MTMR2: variants seen among roughly 807,000 people sequenced by gnomAD.
MTMR2 encodes the protein myotubularin related protein 2.
Under a neutral mutation model 86.9 loss-of-function variants are expected in MTMR2, and 55 were observed. The ratio of observed to expected loss-of-function variants is 0.63; its 90% CI spans 0.51 to 0.79. The LOEUF is 0.79. MTMR2 is among the 30% of genes least tolerant of loss of function. The probability of loss-of-function intolerance (pLI) is 0.00; values close to 1 mark genes in which losing one functional copy is unlikely to be tolerated. For missense variants in MTMR2, 659 were observed against 772.3 expected, an observed-to-expected ratio of 0.85 and a Z score of 1.74; for synonymous variants, 241 against 266.8, an observed-to-expected ratio of 0.90 and a Z score of 0.94.
chr11:95,838,045 A>G, intron 13 of MTMR2, 49 bp downstream of exon 13: 3 of 1,153,192 alleles, frequency 2.6e-6, no homozygotes, highest in Non-Finnish European at 3.9e-6. Flanking sequence ...CTTTTAGGGA[A>G]AAGTATACAG....
At chr11:95,844,103 A>T (rs1027583812) in intron 11 of MTMR2, among the ~76,000 whole-genome samples, 3 of 152,200 alleles carry the variant, frequency 2.0e-5, no homozygotes, top group Non-Finnish European at 4.4e-5. Context: ...TTAGGAATCC[A>T]TAGCAACTTC....
At chr11:95,868,295 AAAAAAAG>A (rs1864700898) in intron 2 of MTMR2, among the ~76,000 whole-genome samples, 1 of 131,628 alleles carries the variant, frequency 7.6e-6, no homozygotes, top group African/African-American at 2.5e-5. Context: ...AAAAAAAAAA[AAAAAAAG>A]AAAGAAAAAG....
chr11:95,857,661 A>T, intron 6 of MTMR2, 26 bp from the exon 7 acceptor site: 1 of 1,428,658 alleles, frequency 7.0e-7, no homozygotes, highest in Non-Finnish European at 9.9e-7. Flanking sequence ...CAATGGTAAG[A>T]GCTAAAAAAG....
rs921374689 is a variant in MTMR2, at chr11:95,835,015, A to C, written c.*275T>G. ...GTAACAGCATTTGCCTTTTAATAGA[A>C]ACTTGTTCCCACTGTGAATCCAGGA... On this transcript the variant is annotated 3_prime_UTR_variant, in exon 15 of 15. Coordinates refer to ENST00000346299, the MANE Select transcript of MTMR2 (RefSeq NM_016156.6). 3 of 418,488 alleles carry C rather than the reference A, an allele frequency of 7.2e-6. No homozygotes were observed. The highest frequency in any genetic ancestry group is 6.0e-5 in the African/African-American group (3 of 49,852). 25.9% of individuals were successfully genotyped at this position (418,488 alleles called of 1,614,324 possible).
intron 9 of MTMR2, among the ~76,000 whole-genome samples, chr11:95,848,757 T>C (rs996251129): frequency 6.6e-5 from 10 of 152,212 alleles, no homozygotes; most frequent in African/African-American, 2.2e-4. Context: ...AGCAACAAAC[T>C]ACTGAAAGAA....
chr11:95,906,685 A>G (rs1171713766), intron 1 of MTMR2, among the ~76,000 whole-genome samples: 1 of 151,700 alleles, frequency 6.6e-6, no homozygotes, highest in Non-Finnish European at 1.5e-5. Context: ...CATATCAACC[A>G]TACTCTTGGA....
chr11:95,844,680 CAG>C lies in MTMR2; in HGVS notation c.1386+271_1386+272del, dbSNP rs1002798422. Among the ~76,000 whole-genome samples the C allele has an allele frequency of 1.2e-4, 19 of 152,130 alleles. 1 individual carries two copies. The highest frequency in any genetic ancestry group is 4.6e-4 in the African/African-American group (19 of 41,424). On this transcript the variant is annotated intron_variant, in intron 11 of 14. Transcript: ENST00000346299. ...TCAATTATTTAGGAAAACGCCTGCCCAGAAACACCCGTGGACATCACTGAATG... is the reference window on the plus strand; with the variant it reads ...TCAATTATTTAGGAAAACGCCTGCCCAAACACCCGTGGACATCACTGAATG...
Position 95,834,759 on chromosome 11 carries a change from A to G in MTMR2, c.*531T>C, listed in dbSNP as rs1351104941. 1 of 162,942 alleles carries G rather than the reference A, an allele frequency of 6.1e-6. No individual in the cohort carries two copies. Among genetic ancestry groups the G allele is most frequent in the Non-Finnish European group, 1.4e-5 (1 of 73,616 alleles). The allele number at this position is 162,942 out of a possible 1,614,324, so 10.1% of individuals were successfully genotyped here. ...TCTTCAACACTTTGCCTTTTACTAT[A>G]TGAAGAATATGGAAGTTGAAAAGTG... is the stretch of plus-strand genomic sequence containing the variant. On this transcript the variant is annotated 3_prime_UTR_variant, in exon 15 of 15. Coordinates refer to ENST00000346299, the MANE Select transcript of MTMR2 (RefSeq NM_016156.6).
chr11:95,875,087 T>C (rs1865053050), intron 2 of MTMR2, among the ~76,000 whole-genome samples: 1 of 152,192 alleles, frequency 6.6e-6, no homozygotes, highest in Non-Finnish European at 1.5e-5. Context: ...GAGTTGCTCT[T>C]CTCGAGGAGT....
At chr11:95,907,557 C>T (rs1420183891) in intron 1 of MTMR2, among the ~76,000 whole-genome samples, 2 of 151,952 alleles carry the variant, frequency 1.3e-5, no homozygotes, top group Non-Finnish European at 1.5e-5. Flanking sequence ...AGACAGACAA[C>T]GAAAAAAGAA....
intron 1 of MTMR2, among the ~76,000 whole-genome samples, chr11:95,916,608 T>C (rs1866719690): frequency 6.6e-6 from 1 of 151,966 alleles, no homozygotes; most frequent in African/African-American, 2.4e-5. Flanking sequence ...ATTAAGCCAC[T>C]GTCAGTTTGT....
At position 95,881,192 on chromosome 11, in the gene MTMR2, GA is replaced by G. The variant is rs1865310090; in HGVS notation, c.186+6963del. Among the ~76,000 whole-genome samples the G allele has an allele frequency of 2.6e-5, 4 of 151,436 alleles. No individual in the cohort carries two copies. In the South Asian group the frequency reaches 8.3e-4, roughly 32 times the overall value. On this transcript the variant is annotated intron_variant, in intron 2 of 14. Coordinates refer to ENST00000346299, the MANE Select transcript of MTMR2 (RefSeq NM_016156.6). ...CAAATAGTTCATTCTTTCTCCCACT[GA>G]TTTGTTATACATCTGTCATATACAG...
At chr11:95,908,945 T>C (rs973317799) in intron 1 of MTMR2, among the ~76,000 whole-genome samples, 1 of 152,086 alleles carries the variant, frequency 6.6e-6, no homozygotes. Flanking sequence ...AGCAACAGAA[T>C]AATATAGTAC....
At chr11:95,919,118 G>A (rs1452093051) in intron 1 of MTMR2, among the ~76,000 whole-genome samples, 3 of 152,112 alleles carry the variant, frequency 2.0e-5, no homozygotes, top group Admixed American at 6.5e-5. Flanking sequence ...GATTACAGGC[G>A]TTAGCTACTG....
chr11:95,888,140 A>G lies in MTMR2; in HGVS notation c.186+16T>C, dbSNP rs1325405868. The G allele has an allele frequency of 3.8e-6, 6 of 1,576,348 alleles. No homozygotes were observed. The highest frequency in any genetic ancestry group is 5.2e-6 in the Non-Finnish European group (6 of 1,146,868). ...ACAGAAAGTACTTCATCAGAACTTT[A>G]AAATAGTATACATACCCTCAAATCA... On this transcript the variant is annotated intron_variant, in intron 2 of 14. Transcript: ENST00000346299.
At chr11:95,897,764 G>C (rs1344006140) in intron 1 of MTMR2, among the ~76,000 whole-genome samples, 2 of 152,048 alleles carry the variant, frequency 1.3e-5, no homozygotes, top group Non-Finnish European at 2.9e-5. Context: ...TACACGGTTG[G>C]TTCAGTAACT....
chr11:95,847,992 T>C (rs1416088555), intron 9 of MTMR2, 93 bp from the exon 10 acceptor site: 2 of 1,250,980 alleles, frequency 1.6e-6, no homozygotes, highest in Non-Finnish European at 2.3e-6. Context: ...AGATGATACA[T>C]ATTACTGGAG....
At chr11:95,875,077 G>T (rs1400581231) in intron 2 of MTMR2, among the ~76,000 whole-genome samples, 1 of 152,066 alleles carries the variant, frequency 6.6e-6, no homozygotes, top group Non-Finnish European at 1.5e-5. Flanking sequence ...ACGTGTCTTG[G>T]AGTTGCTCTT....
At chr11:95,917,487 C>A (rs1425255629) in intron 1 of MTMR2, among the ~76,000 whole-genome samples, 4 of 152,094 alleles carry the variant, frequency 2.6e-5, no homozygotes, top group Admixed American at 2.6e-4. Context: ...ACAGTTGACC[C>A]TTGAACAACA....
Sources: gnomAD v4.1 joint callset for allele counts (sites outside exome capture counted in the v4.1 genomes callset) on GRCh38, gnomAD v4.1.1 for gene constraint, MANE v1.5 for transcripts, NCBI Gene and HGNC (gene_info 2026-07-23, HGNC 2026-07-21) for gene names.